Variants in SORCS1 observed in about 807,000 individuals in gnomAD.
SORCS1 encodes the protein VPS10 domain-containing receptor SorCS1.
In SORCS1, 60 loss-of-function variants were observed where a neutral mutation model predicts 146.1. That is an observed-to-expected ratio of 0.41 (90% CI 0.33 to 0.51). The LOEUF (loss-of-function observed/expected upper bound fraction) is 0.51, where lower values mean the gene tolerates loss of function less well. SORCS1 is among the 20% of genes least tolerant of loss of function. The pLI is 0.21. For missense variants in SORCS1, 1,352 were observed against 1,487.6 expected (o/e 0.91, Z 1.50); for synonymous variants, 637 against 584.0 (o/e 1.09, Z -1.31).
intron 1 of SORCS1, among the ~76,000 whole-genome samples, chr10:107,145,352 G>C (rs1968229813): frequency 6.6e-6 from 1 of 152,204 alleles, no homozygotes; most frequent in Admixed American, 6.5e-5. Context: ...TTCTGGGAAG[G>C]AAACATTTCG....
chr10:106,833,994 C>T (rs976174482), intron 2 of SORCS1, among the ~76,000 whole-genome samples: 2 of 152,092 alleles, frequency 1.3e-5, no homozygotes, highest in South Asian at 4.1e-4. Context: ...GGGGTTTCAC[C>T]GTGTTAGCCA....
chr10:106,951,513 G>GAA lies in SORCS1; in HGVS notation c.626+4998_626+4999dup, dbSNP rs367987734. Among the ~76,000 whole-genome samples the GAA allele has an allele frequency of 9.2e-3, 1,042 of 113,834 alleles. 12 individuals are homozygous for GAA. The highest frequency in any genetic ancestry group is 0.013 in the Middle Eastern group (3 of 224). 74.7% of individuals were successfully genotyped at this position (113,834 alleles called of 152,430 possible). A position where few individuals can be genotyped will look rare whatever the true frequency, so the allele number is the denominator to read the frequency against. ...GGTGACAGAGCAAGACTCCGTCTCT[G>GAA]AAAAAAAAAAAAAAAAACGGAACAC... is the stretch of plus-strand genomic sequence containing the variant. On this transcript the variant is annotated intron_variant, in intron 2 of 25. Coordinates refer to ENST00000263054, the MANE Select transcript of SORCS1 (RefSeq NM_052918.5).
At chr10:107,028,966 G>C (rs1220837209) in intron 1 of SORCS1, among the ~76,000 whole-genome samples, 1 of 152,154 alleles carries the variant, frequency 6.6e-6, no homozygotes, top group East Asian at 1.9e-4. Flanking sequence ...TGGCTCAATG[G>C]TTTGTGATTA....
At chr10:106,808,664 G>A (rs1947308413) in intron 3 of SORCS1, among the ~76,000 whole-genome samples, 1 of 151,990 alleles carries the variant, frequency 6.6e-6, no homozygotes, top group South Asian at 2.1e-4. Flanking sequence ...CACCTCGCCT[G>A]GCTAATTTTT....
intron 1 of SORCS1, among the ~76,000 whole-genome samples, chr10:107,005,046 C>G (rs1352902407): frequency 2.0e-5 from 3 of 152,018 alleles, no homozygotes; most frequent in African/African-American, 7.2e-5. Context: ...GAGTAAGAGC[C>G]CCGGGGTGGT....
chr10:107,022,119 G>T (rs1047920655), intron 1 of SORCS1, among the ~76,000 whole-genome samples: 1 of 152,156 alleles, frequency 6.6e-6, no homozygotes, highest in South Asian at 2.1e-4. Flanking sequence ...TGCAGGGGCT[G>T]AAGGGAAGGA....
chr10:106,800,345 A>G (rs1211235607), intron 3 of SORCS1, among the ~76,000 whole-genome samples: 1 of 152,122 alleles, frequency 6.6e-6, no homozygotes, highest in Admixed American at 6.5e-5. Flanking sequence ...AAACCTCCAT[A>G]TGACTGTAAG....
At chr10:106,722,769 G>C (rs1204994022) in intron 6 of SORCS1, among the ~76,000 whole-genome samples, 3 of 152,184 alleles carry the variant, frequency 2.0e-5, no homozygotes, top group Non-Finnish European at 4.4e-5. Context: ...ATGGCCAAAG[G>C]TGGTACTGCA....
At chr10:106,666,679 C>A (rs1026941551) in intron 17 of SORCS1, among the ~76,000 whole-genome samples, 2 of 151,790 alleles carry the variant, frequency 1.3e-5, no homozygotes, top group African/African-American at 4.8e-5. Flanking sequence ...GCCTCAGCCT[C>A]CTGAGTGTCT....
intron 23 of SORCS1, among the ~76,000 whole-genome samples, chr10:106,599,367 C>CAAAAAAAAAAAAAAAAAAA (rs531734833): frequency 2.6e-5 from 3 of 116,602 alleles, no homozygotes; most frequent in African/African-American, 9.7e-5. Context: ...AACTCTAATT[C>CAAAAAAAAAAAAAAAAAAA]AAAAAAAAAA....
intron 17 of SORCS1, among the ~76,000 whole-genome samples, chr10:106,657,153 A>C (rs938527728): frequency 6.6e-6 from 1 of 152,204 alleles, no homozygotes; most frequent in Non-Finnish European, 1.5e-5. Flanking sequence ...ACACCTGTAC[A>C]TGTATGCTTA....
chr10:106,629,105 A>G, intron 19 of SORCS1, 97 bp downstream of exon 19: 1 of 1,065,684 alleles, frequency 9.4e-7, no homozygotes, highest in Non-Finnish European at 1.4e-6. Flanking sequence ...GCTAAAAGAT[A>G]ACTAGTGTAC....
chr10:107,056,099 T>C (rs1229762926), intron 1 of SORCS1, among the ~76,000 whole-genome samples: 1 of 152,154 alleles, frequency 6.6e-6, no homozygotes, highest in Non-Finnish European at 1.5e-5. Context: ...CTTGTAGACA[T>C]TGGTTGTTAC....
intron 5 of SORCS1, among the ~76,000 whole-genome samples, chr10:106,739,181 C>T (rs911178970): frequency 2.6e-5 from 4 of 152,108 alleles, no homozygotes; most frequent in African/African-American, 9.7e-5. Flanking sequence ...CACTCTTCCC[C>T]TGGGGAAAAC....
intron 1 of SORCS1, among the ~76,000 whole-genome samples, chr10:107,004,054 A>G (rs1301417888): frequency 6.6e-6 from 1 of 151,684 alleles, no homozygotes; most frequent in Non-Finnish European, 1.5e-5. Context: ...TGGTGCCTGT[A>G]GTCCCAGCTA....
chr10:107,045,072 T>C (rs1959249478), intron 1 of SORCS1, among the ~76,000 whole-genome samples: 1 of 152,074 alleles, frequency 6.6e-6, no homozygotes, highest in Non-Finnish European at 1.5e-5. Context: ...GTATCAGGCC[T>C]TGAGAGACCA....
intron 1 of SORCS1, among the ~76,000 whole-genome samples, chr10:106,957,175 T>TTTTG (rs1954996299): frequency 7.0e-6 from 1 of 143,698 alleles, no homozygotes; most frequent in Non-Finnish European, 1.5e-5. Context: ...GTTTTTTTTG[T>TTTTG]TTTTTTTTTT....
At chr10:106,961,281 T>C (rs1955210725) in intron 1 of SORCS1, among the ~76,000 whole-genome samples, 1 of 152,226 alleles carries the variant, frequency 6.6e-6, no homozygotes, top group Non-Finnish European at 1.5e-5. Flanking sequence ...ATCAGTCATG[T>C]AACACCTTTG....
intron 1 of SORCS1, among the ~76,000 whole-genome samples, chr10:107,125,248 G>A (rs1400349472): frequency 6.6e-6 from 1 of 152,000 alleles, no homozygotes; most frequent in Non-Finnish European, 1.5e-5. Flanking sequence ...ACCATGCCTG[G>A]CCCCGCTCAG....
Sources: gnomAD v4.1 joint callset for allele counts (sites outside exome capture counted in the v4.1 genomes callset) on GRCh38, gnomAD v4.1.1 for gene constraint, MANE v1.5 for transcripts, NCBI Gene and HGNC (gene_info 2026-07-23, HGNC 2026-07-21) for gene names.